The following DZIP3 variants were observed in gnomAD, a reference collection of about 807,000 sequenced individuals.
The protein encoded by DZIP3 is DAZ interacting zinc finger protein 3.
DZIP3 carries 118 observed loss-of-function variants against 162.0 expected under a neutral mutation model. The observed-to-expected ratio is 0.73, with a 90% CI of 0.63 to 0.85. The LOEUF is 0.85. Among genes scored for constraint, DZIP3 ranks in the 40% least tolerant of loss-of-function variants. The pLI, the probability that DZIP3 is intolerant of heterozygous loss-of-function variation, is 0.00. For synonymous variants in DZIP3, 438 were observed against 458.6 expected, an observed-to-expected ratio of 0.96 and a Z score of 0.57; for missense variants, 1,331 against 1,407.0, an observed-to-expected ratio of 0.95 and a Z score of 0.86.
chr3:108,600,836 C>G (rs1939968908), intron 1 of DZIP3, among the ~76,000 whole-genome samples: 1 of 152,122 alleles, frequency 6.6e-6, no homozygotes, highest in Non-Finnish European at 1.5e-5. Context: ...AATACCCTTA[C>G]AGTAGTTTAA....
chr3:108,686,568 T>C lies in DZIP3; in HGVS notation c.3133T>C (p.Phe1045Leu). 11 of 1,607,440 alleles carry C rather than the reference T, an allele frequency of 6.8e-6. No individual in the cohort carries two copies. Among genetic ancestry groups the C allele is most frequent in the Non-Finnish European group, 9.3e-6 (11 of 1,177,792 alleles). The change falls in exon 28 of 33, where the codon TTT becomes CTT. Residue 1045 changes from phenylalanine to leucine, a missense_variant. By Grantham distance (22) the Phe-to-Leu change is conservative (BLOSUM62 0). Around this residue, in one of 2 missense-constraint regions of DZIP3, gnomAD observed 1,278 missense variants for 1,317.1 expected, o/e 0.97. Coordinates refer to ENST00000361582, the MANE Select transcript of DZIP3 (RefSeq NM_014648.4). ...AATTACAGACAGGCTGAAAACTGCCTTTCCACAGCAAACCAGGTACCTTAG... is the reference window on the plus strand; with the variant it reads ...AATTACAGACAGGCTGAAAACTGCCCTTCCACAGCAAACCAGGTACCTTAG... ...ERITDRLKTAFPQQTRKELTD... is the reference protein window; with the variant it reads ...ERITDRLKTALPQQTRKELTD...
intron 26 of DZIP3, among the ~76,000 whole-genome samples, chr3:108,680,119 A>C (rs1327391915): frequency 1.3e-5 from 2 of 152,128 alleles, no homozygotes; most frequent in African/African-American, 2.4e-5. Context: ...AATTCTCAAA[A>C]AATTAGGTAT....
At chr3:108,599,362 T>A (rs557229476) in intron 1 of DZIP3, among the ~76,000 whole-genome samples, 4 of 152,308 alleles carry the variant, frequency 2.6e-5, no homozygotes, top group African/African-American at 9.6e-5. Flanking sequence ...GGTGTCTAGG[T>A]GTATTTATTT....
chr3:108,671,269 G>T (rs974201289), intron 22 of DZIP3, among the ~76,000 whole-genome samples: 1 of 151,572 alleles, frequency 6.6e-6, no homozygotes, highest in African/African-American at 2.4e-5. Context: ...TATTTATAAT[G>T]TACTGTTATC....
At chr3:108,654,978 A>G (rs1943042221) in intron 19 of DZIP3, among the ~76,000 whole-genome samples, 1 of 152,206 alleles carries the variant, frequency 6.6e-6, no homozygotes, top group Non-Finnish European at 1.5e-5. Flanking sequence ...AGTGCAAATG[A>G]TTCCCTGGCT....
In DZIP3 at chr3:108,688,901, T is replaced by C. The variant is rs1944591111; in HGVS notation, c.3493T>C (p.Cys1165Arg). Residue 1165 changes from cysteine to arginine, a missense_variant, in exon 31 of 33, where the codon TGC becomes CGC. Coordinates refer to ENST00000361582, the MANE Select transcript of DZIP3 (RefSeq NM_014648.4). ...LSPENLSVLP[C>R]AHKFHAQCIR... ...TCCAGAAAATCTTTCAGTTTTGCCT[T>C]GCGCTCACAAATTCCATGCTCAGGT... 1 of 1,614,068 alleles carries C rather than the reference T, an allele frequency of 6.2e-7. No homozygotes were observed. Among genetic ancestry groups the C allele is most frequent in the Admixed American group, 1.7e-5 (1 of 60,002 alleles).
intron 19 of DZIP3, among the ~76,000 whole-genome samples, chr3:108,655,259 A>G (rs951834711): frequency 1.3e-5 from 2 of 152,202 alleles, no homozygotes; most frequent in African/African-American, 4.8e-5. Flanking sequence ...AGTTTCTACA[A>G]TCTATGGATA....
chr3:108,634,957 A>T lies in DZIP3; in HGVS notation c.903A>T (p.Pro301=), dbSNP rs1361114506. 1 of 1,601,958 alleles carries T rather than the reference A, an allele frequency of 6.2e-7. No individual in the cohort carries two copies. The change falls in exon 10 of 33, where the codon CCA becomes CCT. Residue 301 remains proline (P), a synonymous_variant. Coordinates refer to ENST00000361582, the MANE Select transcript of DZIP3 (RefSeq NM_014648.4). ...AAAAGTTCAAGAATTTAAAGTATCC[A>T]GGTGAAAATGATCAGGTATTATATT... ...CWKKFKNLKY[P]GENDQSFSGK...
rs915575789 is a variant in DZIP3, at chr3:108,687,841, C to T, written c.3150-135C>T. ...TGGACCTGTGATCACTTTTTTAGAT[C>T]AAAGACCTAAAGAGTCCTGTCTGTA... On this transcript the variant is annotated intron_variant, in intron 28 of 32. Coordinates refer to ENST00000361582, the MANE Select transcript of DZIP3 (RefSeq NM_014648.4). 2.8e-4 allele frequency: 322 copies of T among 1,149,784 alleles called. 1 individual carries two copies. Among genetic ancestry groups the T allele is most frequent in the South Asian group, 1.0e-3 (68 of 67,742 alleles). 71.2% of individuals were successfully genotyped at this position (1,149,784 alleles called of 1,614,324 possible). A position where few individuals can be genotyped will look rare whatever the true frequency, so the allele number is the denominator to read the frequency against.
At chr3:108,600,901 C>T (rs1461069393) in intron 1 of DZIP3, among the ~76,000 whole-genome samples, 1 of 152,168 alleles carries the variant, frequency 6.6e-6, no homozygotes, top group Non-Finnish European at 1.5e-5. Context: ...TGCTTTGACA[C>T]TCACTAGCTA....
At chr3:108,690,109 A>G (rs1282011840) in intron 31 of DZIP3, among the ~76,000 whole-genome samples, 1 of 152,138 alleles carries the variant, frequency 6.6e-6, no homozygotes, top group Non-Finnish European at 1.5e-5. Flanking sequence ...AACTTATCCT[A>G]CTCTTTGCCA....
At chr3:108,594,507 A>C (rs1364962813) in intron 1 of DZIP3, among the ~76,000 whole-genome samples, 1 of 142,374 alleles carries the variant, frequency 7.0e-6, no homozygotes, top group Non-Finnish European at 1.5e-5. Context: ...AACTTGTGTC[A>C]TGGGAGTTTG....
chr3:108,620,069 A>G (rs1242581536), intron 5 of DZIP3, among the ~76,000 whole-genome samples: 1 of 152,208 alleles, frequency 6.6e-6, no homozygotes, highest in Admixed American at 6.5e-5. Context: ...ATAGTAGATC[A>G]TATGGGGAAA....
chr3:108,674,049 T>G, intron 23 of DZIP3, 29 bp from the exon 24 acceptor site: 2 of 1,534,400 alleles, frequency 1.3e-6, no homozygotes, highest in Non-Finnish European at 9.0e-7. Context: ...CACCTTCAAC[T>G]TCTTTCTCTT....
At chr3:108,663,158 T>G (rs1408634641) in intron 21 of DZIP3, among the ~76,000 whole-genome samples, 2 of 152,188 alleles carry the variant, frequency 1.3e-5, no homozygotes, top group Non-Finnish European at 2.9e-5. Flanking sequence ...CTTACAAACA[T>G]TGTCAGACTT....
intron 13 of DZIP3, 57 bp from the exon 14 acceptor site, chr3:108,644,107 C>G: frequency 6.6e-7 from 1 of 1,523,854 alleles, no homozygotes; most frequent in Non-Finnish European, 8.7e-7. Flanking sequence ...TGTGAGAGAC[C>G]AAATAGAAAA....
rs1025281635 is a variant in DZIP3 at position 108,642,452 on chromosome 3, T to C, written c.1079T>C (p.Ile360Thr). The C allele has an allele frequency of 2.7e-6, 4 of 1,483,264 alleles. No homozygotes were observed. In the African/African-American group the frequency reaches 5.6e-5, roughly 21 times the overall value. The allele number at this position is 1,483,264 out of a possible 1,614,324, so 91.9% of individuals were successfully genotyped here. Residue 360 changes from isoleucine (I) to threonine (T), a missense_variant, in exon 13 of 33, where the codon ATA becomes ACA. Physicochemically the swap from Ile to Thr is moderately conservative, Grantham distance 89 (BLOSUM62 -1). This residue lies in a region of DZIP3 where 1,278 missense variants were observed against 1,317.1 expected (regional missense o/e 0.97). Coordinates refer to ENST00000361582, the MANE Select transcript of DZIP3 (RefSeq NM_014648.4). The stretch of plus-strand genomic sequence containing the variant: ...TCCTTTTGCAGTTATAGAAAGTTGA[T>C]ATCTCTGAAAATAACTGATACTGAT... The part of the protein sequence containing the change: ...ENLGASYRKL[I>T]SLKITDTDIR...
At chr3:108,653,945 A>G (rs1455397414) in intron 18 of DZIP3, among the ~76,000 whole-genome samples, 200 bp from the exon 19 acceptor site, 2 of 152,152 alleles carry the variant, frequency 1.3e-5, no homozygotes, top group Non-Finnish European at 2.9e-5. Flanking sequence ...ATTGAGTGCT[A>G]CTTTAAATAT....
intron 13 of DZIP3, among the ~76,000 whole-genome samples, chr3:108,643,424 A>G (rs1474919777): frequency 1.3e-5 from 2 of 152,028 alleles, no homozygotes; most frequent in Non-Finnish European, 2.9e-5. Flanking sequence ...CATTATACAT[A>G]TATTTGAAAT....
Sources: allele counts gnomAD v4.1 joint callset (sites outside exome capture counted in the v4.1 genomes callset), GRCh38; gene constraint gnomAD v4.1.1; regional missense constraint gnomAD v4.1.1; transcripts MANE v1.5; gene names NCBI Gene and HGNC (gene_info 2026-07-23, HGNC 2026-07-21).